IGF1R: variants seen among roughly 807,000 people sequenced by gnomAD.
IGF1R encodes insulin-like growth factor 1 receptor.
IGF1R carries 44 observed loss-of-function variants against 144.6 expected under a neutral mutation model. The ratio of observed to expected loss-of-function variants is 0.30; its 90% CI spans 0.24 to 0.39. IGF1R has a LOEUF of 0.39. IGF1R is among the 10% of genes least tolerant of loss of function. The pLI, the probability that IGF1R is intolerant of heterozygous loss-of-function variation, is 1.00. For synonymous variants in IGF1R, 795 were observed against 722.8 expected, an observed-to-expected ratio of 1.10 and a Z score of -1.60; for missense variants, 1,355 against 1,833.7, an observed-to-expected ratio of 0.74 and a Z score of 4.77.
chr15:98,682,358 C>G (rs1313246881), intron 1 of IGF1R, among the ~76,000 whole-genome samples: 1 of 152,004 alleles, frequency 6.6e-6, no homozygotes, highest in African/African-American at 2.4e-5. Flanking sequence ...CCGTGGAGAC[C>G]GACCTTCACA....
At chr15:98,815,450 C>T (rs2056675825) in intron 2 of IGF1R, among the ~76,000 whole-genome samples, 1 of 152,232 alleles carries the variant, frequency 6.6e-6, no homozygotes, top group South Asian at 2.1e-4. Context: ...TGAAAGCAGG[C>T]CTTTGTGTAT....
At chr15:98,809,554 C>G (rs377508902) in intron 2 of IGF1R, among the ~76,000 whole-genome samples, 1 of 152,220 alleles carries the variant, frequency 6.6e-6, no homozygotes, top group Non-Finnish European at 1.5e-5. Flanking sequence ...GCATTTTTCC[C>G]TCCATGTTTT....
At chr15:98,662,334 G>C (rs1176840325) in intron 1 of IGF1R, among the ~76,000 whole-genome samples, 1 of 152,048 alleles carries the variant, frequency 6.6e-6, no homozygotes, top group Non-Finnish European at 1.5e-5. Flanking sequence ...CCGGACGTCT[G>C]AGTCTCAGGT....
At chr15:98,804,229 A>G (rs1228468663) in intron 2 of IGF1R, among the ~76,000 whole-genome samples, 2 of 152,194 alleles carry the variant, frequency 1.3e-5, no homozygotes, top group African/African-American at 2.4e-5. Flanking sequence ...CCTGTTTCAT[A>G]TATTTATTAC....
chr15:98,857,089 A>G (rs867435777), intron 2 of IGF1R, among the ~76,000 whole-genome samples: 4 of 152,252 alleles, frequency 2.6e-5, no homozygotes, highest in Middle Eastern at 3.4e-3. Context: ...GAGAGAATGT[A>G]TACTGGGTTT....
chr15:98,809,625 C>G (rs1314184246), intron 2 of IGF1R, among the ~76,000 whole-genome samples: 1 of 152,214 alleles, frequency 6.6e-6, no homozygotes, highest in Non-Finnish European at 1.5e-5. Context: ...TGAAGAGTTT[C>G]TGGGTTCAGC....
chr15:98,878,084 G>A (rs117766385), intron 2 of IGF1R, among the ~76,000 whole-genome samples: 1,892 of 152,326 alleles, frequency 0.012, 16 homozygotes, highest in Non-Finnish European at 0.021. Context: ...GCAGTGTATC[G>A]GTAGCATTGA....
chr15:98,825,612 C>T (rs555558291), intron 2 of IGF1R, among the ~76,000 whole-genome samples: 1 of 152,294 alleles, frequency 6.6e-6, no homozygotes, highest in African/African-American at 2.4e-5. Context: ...GGAACAGTTT[C>T]ATCCCAAAAC....
chr15:98,945,116 C>T (rs536577501), intron 19 of IGF1R, among the ~76,000 whole-genome samples: 20 of 152,356 alleles, frequency 1.3e-4, no homozygotes, highest in Non-Finnish European at 2.2e-4. Flanking sequence ...GCCCTCTAGG[C>T]ATGGAGGAAA....
At chr15:98,767,491 A>C (rs1211789691) in intron 2 of IGF1R, among the ~76,000 whole-genome samples, 1 of 152,210 alleles carries the variant, frequency 6.6e-6, no homozygotes, top group African/African-American at 2.4e-5. Context: ...ACTGAGGCCA[A>C]AAGCAAAGTT....
chr15:98,706,589 TAA>T (rs35701132), intron 1 of IGF1R, among the ~76,000 whole-genome samples: 13,310 of 147,618 alleles, frequency 0.09, 1,706 homozygotes, highest in African/African-American at 0.29. Flanking sequence ...AGGGATTGGT[TAA>T]AAAAAAAAAA....
intron 2 of IGF1R, among the ~76,000 whole-genome samples, chr15:98,884,731 C>T (rs2013554989): frequency 6.6e-6 from 1 of 151,522 alleles, no homozygotes; most frequent in South Asian, 2.1e-4. Flanking sequence ...CCAGATGGTC[C>T]TGGACATATC....
At chr15:98,798,239 C>G (rs1331850081) in intron 2 of IGF1R, among the ~76,000 whole-genome samples, 3 of 151,920 alleles carry the variant, frequency 2.0e-5, no homozygotes, top group Non-Finnish European at 4.4e-5. Flanking sequence ...ATCCGGGTAC[C>G]TTTTTACGTA....
In IGF1R at chr15:98,899,746, T is replaced by C; in HGVS notation, c.1247+125T>C. The C allele has an allele frequency of 3.2e-6, 3 of 933,780 alleles. No individual in the cohort carries two copies. The Admixed American group carries it at 5.7e-5, about 18-fold the overall frequency. 57.8% of individuals were successfully genotyped at this position (933,780 alleles called of 1,614,324 possible). Reference sequence around the variant, plus strand: ...AAGAGAAGAAAGGAGGAAGCCGCAGTATTGCCTGTGCTGCTCGAGTAGGTC... The same window carrying C: ...AAGAGAAGAAAGGAGGAAGCCGCAGCATTGCCTGTGCTGCTCGAGTAGGTC... On this transcript the variant is annotated intron_variant, in intron 5 of 20. Coordinates refer to ENST00000650285, the MANE Select transcript of IGF1R (RefSeq NM_000875.5).
At chr15:98,792,031 C>T (rs1019368823) in intron 2 of IGF1R, among the ~76,000 whole-genome samples, 2 of 152,162 alleles carry the variant, frequency 1.3e-5, no homozygotes, top group Non-Finnish European at 2.9e-5. Context: ...GTTTGTGGGG[C>T]CCAGCAGCTA....
chr15:98,672,653 G>A (rs367786372), intron 1 of IGF1R, among the ~76,000 whole-genome samples: 15 of 151,782 alleles, frequency 9.9e-5, no homozygotes, highest in African/African-American at 2.9e-4. Flanking sequence ...TATTTCTTCC[G>A]GTCTCATTTG....
intron 1 of IGF1R, among the ~76,000 whole-genome samples, chr15:98,683,769 A>G (rs2053250536): frequency 6.6e-6 from 1 of 152,214 alleles, no homozygotes; most frequent in African/African-American, 2.4e-5. Context: ...AGGAAGACAG[A>G]TGGTTTCAGA....
At chr15:98,821,450 C>T (rs1390355363) in intron 2 of IGF1R, among the ~76,000 whole-genome samples, 1 of 152,112 alleles carries the variant, frequency 6.6e-6, no homozygotes, top group Non-Finnish European at 1.5e-5. Flanking sequence ...ATCATGAGTA[C>T]GTAGTCACTG....
intron 2 of IGF1R, among the ~76,000 whole-genome samples, chr15:98,774,628 G>A (rs2055668030): frequency 7.0e-6 from 1 of 143,442 alleles, no homozygotes. Flanking sequence ...ATTTCATTTA[G>A]ATGAGGTTCC....
Sources: allele counts gnomAD v4.1 joint callset (sites outside exome capture counted in the v4.1 genomes callset), GRCh38; gene constraint gnomAD v4.1.1; transcripts MANE v1.5; gene names NCBI Gene and HGNC (gene_info 2026-07-23, HGNC 2026-07-21).